NRG3: variants seen among roughly 807,000 people sequenced by gnomAD.
NRG3 encodes the protein neuregulin 3.
In NRG3, 31 loss-of-function variants were observed where a neutral mutation model predicts 66.9. That is an observed-to-expected ratio of 0.46 (90% CI 0.35 to 0.63). NRG3 has a LOEUF of 0.63. Among genes scored for constraint, NRG3 ranks in the 20% least tolerant of loss-of-function variants. The pLI is 0.00. For synonymous variants in NRG3, 393 were observed against 359.4 expected, an observed-to-expected ratio of 1.09 and a Z score of -1.06; for missense variants, 910 against 878.9, an observed-to-expected ratio of 1.04 and a Z score of -0.45.
chr10:82,104,727 T>TA (rs138432811), intron 1 of NRG3, among the ~76,000 whole-genome samples: 5,755 of 152,298 alleles, frequency 0.038, 152 homozygotes, highest in East Asian at 0.1. Flanking sequence ...GATTGCAATT[T>TA]AAAAAATATG....
chr10:82,379,409 A>G (rs899559249), intron 2 of NRG3, among the ~76,000 whole-genome samples: 1 of 152,158 alleles, frequency 6.6e-6, no homozygotes, highest in African/African-American at 2.4e-5. Flanking sequence ...CTTTAGACCA[A>G]GGAAAGGAAA....
intron 1 of NRG3, among the ~76,000 whole-genome samples, chr10:82,266,323 G>T (rs554964164): frequency 6.6e-6 from 1 of 152,244 alleles, no homozygotes. Flanking sequence ...GAAAGGTAAA[G>T]CGGAGTTGGA....
intron 2 of NRG3, among the ~76,000 whole-genome samples, chr10:82,582,700 T>G (rs868036156): frequency 7.5e-6 from 1 of 132,652 alleles, no homozygotes; most frequent in Non-Finnish European, 1.7e-5. Context: ...GTGTGTGTGT[T>G]TTATACACAT....
At chr10:82,381,676 T>G (rs2085627953) in intron 2 of NRG3, among the ~76,000 whole-genome samples, 1 of 152,222 alleles carries the variant, frequency 6.6e-6, no homozygotes. Context: ...TATTTTATTT[T>G]ATCACTTATG....
At chr10:82,169,131 C>T (rs191674595) in intron 1 of NRG3, among the ~76,000 whole-genome samples, 199 of 152,160 alleles carry the variant, frequency 1.3e-3, no homozygotes, top group Admixed American at 2.0e-3. Context: ...GTGAAGAAAG[C>T]GACGAGCATA....
chr10:82,625,302 A>T (rs369007295), intron 2 of NRG3, among the ~76,000 whole-genome samples: 4 of 148,824 alleles, frequency 2.7e-5, no homozygotes, highest in African/African-American at 1.0e-4. Context: ...GTTAGAAAAG[A>T]AAAAAAAATG....
chr10:82,165,037 A>G (rs1326332926), intron 1 of NRG3, among the ~76,000 whole-genome samples: 1 of 152,160 alleles, frequency 6.6e-6, no homozygotes, highest in Non-Finnish European at 1.5e-5. Context: ...TTATATATCT[A>G]TGTATAGATA....
At chr10:82,799,997 C>T (rs1176006773) in intron 3 of NRG3, 1 of 152,220 alleles carries the variant, frequency 6.6e-6, no homozygotes, top group Non-Finnish European at 1.5e-5. Flanking sequence ...ATGATACACC[C>T]TTCGTCATGT....
rs368518693 is a variant in NRG3 at position 82,962,663 on chromosome 10, A to AC, written c.1284+3592dup. Reference sequence around the variant, plus strand: ...AGACCACCCTGGCCAACATGGTGAAACCCCATCTCTACTGAAAATACAGAA... The same window carrying AC: ...AGACCACCCTGGCCAACATGGTGAAACCCCCATCTCTACTGAAAATACAGAA... On this transcript the variant is annotated intron_variant, in intron 6 of 8. Transcript: ENST00000372141. 2.5e-3 allele frequency among the ~76,000 whole-genome samples: 373 copies of AC among 152,084 alleles called. 3 individuals carry two copies. Among genetic ancestry groups the AC allele is most frequent in the African/African-American group, 8.5e-3 (351 of 41,492 alleles).
intron 1 of NRG3, among the ~76,000 whole-genome samples, chr10:81,899,115 T>G (rs1843787735): frequency 6.6e-6 from 1 of 152,176 alleles, no homozygotes; most frequent in South Asian, 2.1e-4. Flanking sequence ...GGTCTTAATT[T>G]TAGATGAGTT....
chr10:82,238,754 G>A (rs931194328), intron 1 of NRG3, among the ~76,000 whole-genome samples: 1 of 151,674 alleles, frequency 6.6e-6, no homozygotes, highest in Non-Finnish European at 1.5e-5. Flanking sequence ...TTCAGCTCAC[G>A]TTGTTGTGTG....
intron 1 of NRG3, among the ~76,000 whole-genome samples, chr10:82,265,687 T>C (rs2134250479): frequency 6.6e-6 from 1 of 152,334 alleles, no homozygotes; most frequent in Non-Finnish European, 1.5e-5. Context: ...ACATGCTTAC[T>C]GACATCACCA....
intron 2 of NRG3, among the ~76,000 whole-genome samples, chr10:82,429,807 T>A (rs2089679561): frequency 6.6e-6 from 1 of 152,204 alleles, no homozygotes; most frequent in African/African-American, 2.4e-5. Context: ...CTGTTCATTT[T>A]TCTTTATTTG....
At chr10:82,054,540 A>T in intron 1 of NRG3, among the ~76,000 whole-genome samples, 1 of 152,110 alleles carries the variant, frequency 6.6e-6, no homozygotes, top group East Asian at 1.9e-4. Context: ...TTAGATATTT[A>T]AGTTGAGCTG....
intron 2 of NRG3, among the ~76,000 whole-genome samples, chr10:82,681,729 A>G (rs2054124355): frequency 6.6e-6 from 1 of 152,220 alleles, no homozygotes; most frequent in Non-Finnish European, 1.5e-5. Flanking sequence ...AACTAATGTG[A>G]TCTGAGTGAC....
chr10:82,180,608 A>G (rs1449325160), intron 1 of NRG3, among the ~76,000 whole-genome samples: 1 of 151,894 alleles, frequency 6.6e-6, no homozygotes, highest in Admixed American at 6.6e-5. Context: ...GTAAAAAAGT[A>G]TATAATCCTC....
At chr10:82,660,975 A>G (rs2052311639) in intron 2 of NRG3, among the ~76,000 whole-genome samples, 1 of 152,102 alleles carries the variant, frequency 6.6e-6, no homozygotes, top group African/African-American at 2.4e-5. Context: ...TGTAAGTCAG[A>G]TGGATTTACT....
chr10:82,321,440 C>T (rs1397501835), intron 1 of NRG3, among the ~76,000 whole-genome samples: 1 of 152,182 alleles, frequency 6.6e-6, no homozygotes, highest in Non-Finnish European at 1.5e-5. Flanking sequence ...AAACCACCTG[C>T]GACGTGATTA....
chr10:82,390,459 A>G (rs1235181410), intron 2 of NRG3, among the ~76,000 whole-genome samples: 2 of 152,122 alleles, frequency 1.3e-5, no homozygotes, highest in African/African-American at 2.4e-5. Flanking sequence ...GAAGAAGTAT[A>G]TTCTTTACAA....
Sources: gnomAD v4.1 joint callset for allele counts (sites outside exome capture counted in the v4.1 genomes callset) on GRCh38, gnomAD v4.1.1 for gene constraint, MANE v1.5 for transcripts, NCBI Gene and HGNC (gene_info 2026-07-23, HGNC 2026-07-21) for gene names.